MON2: variants seen among roughly 807,000 people sequenced by gnomAD.
The protein encoded by MON2 is protein MON2 homolog.
In MON2, 84 loss-of-function variants were observed where a neutral mutation model predicts 208.6. That is an observed-to-expected ratio of 0.40 (90% CI 0.34 to 0.48). The LOEUF is 0.48. Among genes scored for constraint, MON2 ranks in the 20% least tolerant of loss-of-function variants. The pLI, the probability that MON2 is intolerant of heterozygous loss-of-function variation, is 0.59. For missense variants in MON2, 1,611 were observed against 2,015.4 expected, an observed-to-expected ratio of 0.80 and a Z score of 3.84; for synonymous variants, 660 against 694.0, an observed-to-expected ratio of 0.95 and a Z score of 0.77.
intron 8 of MON2, among the ~76,000 whole-genome samples, chr12:62,518,231 A>G (rs1267112298): frequency 1.3e-5 from 2 of 152,232 alleles, no homozygotes; most frequent in African/African-American, 2.4e-5. Flanking sequence ...TCCACCTTCA[A>G]ATATCATCCC....
rs1291590164 is a variant in MON2, at chr12:62,596,838, G to C, written c.*4089G>C. The C allele has an allele frequency of 6.6e-6, 1 of 152,178 alleles. No homozygotes were observed. Among genetic ancestry groups the C allele is most frequent in the African/African-American group, 2.4e-5 (1 of 41,456 alleles). The allele number at this position is 152,178 out of a possible 1,614,324, so 9.4% of individuals were successfully genotyped here. A position where few individuals can be genotyped will look rare whatever the true frequency, so the allele number is the denominator to read the frequency against. On this transcript the variant is annotated 3_prime_UTR_variant, in exon 35 of 35. Transcript: ENST00000393630. ...ATCTTTGTATCTTGATTTATATACAGACCATTTCAGAGGAAGTTAAATGTC... is the reference window on the plus strand; with the variant it reads ...ATCTTTGTATCTTGATTTATATACACACCATTTCAGAGGAAGTTAAATGTC...
chr12:62,540,857 C>A (rs1049186245), intron 19 of MON2, among the ~76,000 whole-genome samples: 1 of 151,996 alleles, frequency 6.6e-6, no homozygotes, highest in Non-Finnish European at 1.5e-5. Context: ...TTCAGTTATG[C>A]CATCTATAAA....
intron 2 of MON2, among the ~76,000 whole-genome samples, chr12:62,491,022 C>T (rs1312594248): frequency 6.6e-6 from 1 of 152,008 alleles, no homozygotes; most frequent in East Asian, 1.9e-4. Context: ...CATTATGAGC[C>T]AGGTGATGTT....
At position 62,566,108 on chromosome 12, in the gene MON2, G is replaced by A. The variant is rs553037597; in HGVS notation, c.4194+77G>A. ...CATCTTTCCCGGTTCTTGGTAGAAT[G>A]CTGTATGTGCTTTTTCCAATAGTTT... On this transcript the variant is annotated intron_variant, in intron 28 of 34. Transcript: ENST00000393630. 4 of 1,454,154 alleles carry A rather than the reference G, an allele frequency of 2.8e-6. No homozygotes were observed. In the African/African-American group the frequency reaches 5.7e-5, roughly 21 times the overall value. 90.1% of individuals were successfully genotyped at this position (1,454,154 alleles called of 1,614,324 possible).
Position 62,525,197 on chromosome 12 carries a change from A to G in MON2, c.1223A>G (p.Asn408Ser). The G allele has an allele frequency of 6.2e-7, 1 of 1,613,404 alleles. No individual in the cohort carries two copies. The highest frequency in any genetic ancestry group is 1.1e-5 in the South Asian group (1 of 91,022). ...TTGTTTCTTGTCCCCCCTACTGGAAATCCTGCAACAAGCAACCAAGCTGGT... is the reference window on the plus strand; with the variant it reads ...TTGTTTCTTGTCCCCCCTACTGGAAGTCCTGCAACAAGCAACCAAGCTGGT... Reference protein sequence around the residue: ...QSLFLVPPTGNPATSNQAGNN... With the variant: ...QSLFLVPPTGSPATSNQAGNN... The change falls in exon 10 of 35, where the codon AAT (asparagine) becomes AGT (serine). Residue 408 changes from asparagine (N) to serine (S), a missense_variant. By Grantham distance (46) the Asn-to-Ser change is conservative. Coordinates refer to ENST00000393630, the MANE Select transcript of MON2 (RefSeq NM_015026.3).
chr12:62,495,729 G>A (rs1205964863), intron 4 of MON2, among the ~76,000 whole-genome samples: 1 of 148,186 alleles, frequency 6.7e-6, no homozygotes, highest in Admixed American at 6.7e-5. Context: ...ACTGCCTTGA[G>A]TATTTTAGAT....
chr12:62,550,088 A>G (rs1027115529), intron 23 of MON2, among the ~76,000 whole-genome samples: 2 of 152,342 alleles, frequency 1.3e-5, no homozygotes, highest in South Asian at 2.1e-4. Flanking sequence ...AAACAATAGT[A>G]TATACAAGGG....
intron 10 of MON2, 40 bp downstream of exon 10, chr12:62,525,260 G>C: frequency 6.3e-7 from 1 of 1,599,274 alleles, no homozygotes; most frequent in Non-Finnish European, 8.6e-7. Context: ...ATATTCTGCC[G>C]TAAGTTACAG....
intron 8 of MON2, among the ~76,000 whole-genome samples, chr12:62,514,586 G>T (rs757338508): frequency 5.3e-5 from 8 of 152,132 alleles, no homozygotes; most frequent in Non-Finnish European, 1.0e-4. Flanking sequence ...AACAGCATGA[G>T]AAAGACCTGT....
chr12:62,475,334 T>C (rs942890346), intron 1 of MON2, among the ~76,000 whole-genome samples: 34 of 152,058 alleles, frequency 2.2e-4, no homozygotes, highest in African/African-American at 7.7e-4. Context: ...CCTCCCAGGT[T>C]CAAGTGATTC....
chr12:62,544,980 A>G lies in MON2; in HGVS notation c.2549A>G (p.Asn850Ser), dbSNP rs1354248424. 4 of 1,599,920 alleles carry G rather than the reference A, an allele frequency of 2.5e-6. No homozygotes were observed. Among genetic ancestry groups the G allele is most frequent in the African/African-American group, 1.3e-5 (1 of 74,318 alleles). Residue 850 changes from asparagine to serine, a missense_variant, in exon 21 of 35, where the codon AAC (asparagine) becomes AGC (serine). Asn to Ser is a conservative substitution (Grantham distance 46). Transcript: ENST00000393630. ...TSLIKAGLTF[N>S]HDPPLSQNQR... ...CTTATTAAAGCAGGATTAACATTTAACCATGATCCTCCACTCTCACAAAAC... is the reference window on the plus strand; with the variant it reads ...CTTATTAAAGCAGGATTAACATTTAGCCATGATCCTCCACTCTCACAAAAC...
chr12:62,555,678 G>A (rs953789181), intron 24 of MON2, among the ~76,000 whole-genome samples: 5 of 151,864 alleles, frequency 3.3e-5, no homozygotes, highest in South Asian at 4.2e-4. Context: ...GTGTGGTGGT[G>A]GACACCTGTA....
intron 25 of MON2, among the ~76,000 whole-genome samples, chr12:62,558,567 AC>A (rs1372135062): frequency 6.6e-6 from 1 of 152,108 alleles, no homozygotes; most frequent in African/African-American, 2.4e-5. Flanking sequence ...AGACTTTTAA[AC>A]TTTGATGGCA....
intron 11 of MON2, among the ~76,000 whole-genome samples, chr12:62,530,095 T>A (rs992609588): frequency 2.0e-5 from 3 of 152,160 alleles, no homozygotes; most frequent in African/African-American, 7.2e-5. Flanking sequence ...TTCCTGTCTG[T>A]ATAACTGTAT....
At chr12:62,541,399 G>A (rs1281224146) in intron 19 of MON2, among the ~76,000 whole-genome samples, 4 of 149,382 alleles carry the variant, frequency 2.7e-5, no homozygotes, top group African/African-American at 7.4e-5. Flanking sequence ...AAAAGATAAA[G>A]CTTGCAAATT....
rs2068543666 is a variant in MON2, at chr12:62,466,913, G to A, written c.-295G>A. ...CAGGTTGGCTGGTGACACCCGGTGT[G>A]GCTGGGCCCCGCGGCAGCGGAGGGA... On this transcript the variant is annotated 5_prime_UTR_variant, in exon 1 of 35. Transcript: ENST00000393630. 6 of 502,258 alleles carry A rather than the reference G, an allele frequency of 1.2e-5. No homozygotes were observed. The South Asian group carries it at 1.8e-4, about 15-fold the overall frequency. 31.1% of individuals were successfully genotyped at this position (502,258 alleles called of 1,614,324 possible). A position where few individuals can be genotyped will look rare whatever the true frequency, so the allele number is the denominator to read the frequency against.
chr12:62,562,087 A>G (rs1011380843), intron 26 of MON2, among the ~76,000 whole-genome samples: 5 of 152,228 alleles, frequency 3.3e-5, no homozygotes, highest in African/African-American at 7.2e-5. Context: ...ATTGAACTCA[A>G]AATACCCATC....
At chr12:62,474,718 C>CT (rs2068976619) in intron 1 of MON2, among the ~76,000 whole-genome samples, 1 of 152,198 alleles carries the variant, frequency 6.6e-6, no homozygotes, top group Non-Finnish European at 1.5e-5. Context: ...GCCATCGCGG[C>CT]CAGCCAGATA....
chr12:62,476,437 CT>C (rs113521160), intron 1 of MON2, among the ~76,000 whole-genome samples: 473 of 141,852 alleles, frequency 3.3e-3, no homozygotes, highest in African/African-American at 4.0e-3. Flanking sequence ...TTGAATTTCA[CT>C]TTTTTTTTTT....
Sources: gnomAD v4.1 joint callset for allele counts (sites outside exome capture counted in the v4.1 genomes callset) on GRCh38, gnomAD v4.1.1 for gene constraint, MANE v1.5 for transcripts, NCBI Gene and HGNC (gene_info 2026-07-23, HGNC 2026-07-21) for gene names.